The following AHRR variants were observed in gnomAD, a reference collection of about 807,000 sequenced individuals.
The protein encoded by AHRR is aryl hydrocarbon receptor repressor, also known as ahR repressor.
Under a neutral mutation model 44.0 loss-of-function variants are expected in AHRR, and 28 were observed. The ratio of observed to expected loss-of-function variants is 0.64; its 90% CI spans 0.47 to 0.87. The LOEUF (loss-of-function observed/expected upper bound fraction) is 0.87. Ranked by LOEUF, AHRR falls within the 40% of genes least tolerant of loss-of-function variation. The pLI is 0.00. For synonymous variants in AHRR, 434 were observed against 407.0 expected (o/e 1.07, Z -0.80); for missense variants, 990 against 953.9 (o/e 1.04, Z -0.50).
At chr5:335,480 G>A (rs549885533) in intron 1 of AHRR, among the ~76,000 whole-genome samples, 377 of 152,244 alleles carry the variant, frequency 2.5e-3, no homozygotes, top group Non-Finnish European at 4.2e-3. Context: ...CCTCCAGGTC[G>A]CTGGATCCCA....
chr5:422,651 T>C, intron 5 of AHRR, 78 bp from the exon 6 acceptor site: 1 of 1,600,758 alleles, frequency 6.2e-7, no homozygotes, highest in Admixed American at 1.7e-5. Flanking sequence ...GTGGAAATTT[T>C]TCGGTTACTC....
intron 5 of AHRR, 69 bp downstream of exon 5, chr5:413,502 T>C (rs931655525): frequency 8.0e-7 from 1 of 1,242,812 alleles, no homozygotes; most frequent in Non-Finnish European, 1.2e-6. Flanking sequence ...AAATGTTTGT[T>C]GTCGTCAAGG....
At chr5:369,074 C>A (rs1378916308) in intron 3 of AHRR, among the ~76,000 whole-genome samples, 1 of 152,172 alleles carries the variant, frequency 6.6e-6, no homozygotes, top group African/African-American at 2.4e-5. Flanking sequence ...CATTTTTAAA[C>A]CCCTCTGCCC....
chr5:392,748 T>C (rs11134017), intron 4 of AHRR, among the ~76,000 whole-genome samples: 46,272 of 152,058 alleles, frequency 0.3, 9,843 homozygotes, highest in African/African-American at 0.6. Context: ...TCTTCAGACC[T>C]GGCTCATTTC....
At chr5:331,454 A>G (rs556219856) in intron 1 of AHRR, among the ~76,000 whole-genome samples, 2 of 152,052 alleles carry the variant, frequency 1.3e-5, no homozygotes, top group South Asian at 2.1e-4. Context: ...AGCAGTCTCT[A>G]TTTCGTTTAG....
Position 435,073 on chromosome 5 carries a change from C to G in AHRR, c.*239C>G, listed in dbSNP as rs999098612. The G allele has an allele frequency of 3.6e-5, 20 of 551,906 alleles. No homozygotes were observed. The African/African-American group carries it at 3.8e-4, about 10-fold the overall frequency. The allele number at this position is 551,906 out of a possible 1,614,324, so 34.2% of individuals were successfully genotyped here. ...CCTTAAGTCTATTCAAGCATGACAG[C>G]ATTTCTCTTTGAGGAATTAAAATCT... is the stretch of plus-strand genomic sequence containing the variant. On this transcript the variant is annotated 3_prime_UTR_variant, in exon 11 of 11. Transcript: ENST00000684583.
chr5:410,402 G>T (rs982036834), intron 4 of AHRR, among the ~76,000 whole-genome samples: 2 of 151,926 alleles, frequency 1.3e-5, no homozygotes, highest in Admixed American at 6.6e-5. Context: ...TGTAGAGACG[G>T]GGTCTCACTA....
At chr5:396,910 A>G (rs953593799) in intron 4 of AHRR, among the ~76,000 whole-genome samples, 4 of 151,436 alleles carry the variant, frequency 2.6e-5, no homozygotes, top group Non-Finnish European at 4.4e-5. Flanking sequence ...AGGCTGCTGC[A>G]GGTGTCTGGG....
At chr5:410,179 T>G (rs552801885) in intron 4 of AHRR, among the ~76,000 whole-genome samples, 6 of 152,318 alleles carry the variant, frequency 3.9e-5, no homozygotes, top group African/African-American at 1.4e-4. Context: ...AGGCTAGGTC[T>G]TTTGCAATTC....
intron 3 of AHRR, among the ~76,000 whole-genome samples, chr5:363,991 A>G (rs1743269996): frequency 6.6e-6 from 1 of 152,256 alleles, no homozygotes; most frequent in Non-Finnish European, 1.5e-5. Context: ...GTAAAAAAAG[A>G]GCTGCTATGG....
chr5:371,083 G>A (rs1173047362), intron 3 of AHRR, among the ~76,000 whole-genome samples: 1 of 152,162 alleles, frequency 6.6e-6, no homozygotes, highest in African/African-American at 2.4e-5. Context: ...AGGGGCGCTG[G>A]GGTAAATTCC....
intron 3 of AHRR, among the ~76,000 whole-genome samples, chr5:363,456 G>C (rs1010793257): frequency 2.6e-5 from 4 of 152,154 alleles, no homozygotes; most frequent in African/African-American, 9.7e-5. Context: ...TCTTGCCAAG[G>C]TCTGCCCTCA....
rs190677714 is a variant in AHRR at position 422,574 on chromosome 5, C to T, written c.442-155C>T. The T allele has an allele frequency of 1.9e-4, 186 of 999,690 alleles. No individual in the cohort carries two copies. In the African/African-American group the frequency reaches 2.5e-3, roughly 14 times the overall value. The allele number at this position is 999,690 out of a possible 1,614,324, so 61.9% of individuals were successfully genotyped here. ...ATCTTCTCAGGAGGGAGTGGGGAAC[C>T]GGGGCCAAGCGCCGTCTCTTCGGTG... is the stretch of plus-strand genomic sequence containing the variant. On this transcript the variant is annotated intron_variant, in intron 5 of 10. Coordinates refer to ENST00000684583, the MANE Select transcript of AHRR (RefSeq NM_001377236.1).
intron 4 of AHRR, among the ~76,000 whole-genome samples, chr5:392,607 G>T (rs567266719): frequency 2.6e-5 from 4 of 152,178 alleles, no homozygotes; most frequent in Non-Finnish European, 5.9e-5. Context: ...TAGCAAGACA[G>T]AGGAAAATGC....
intron 4 of AHRR, among the ~76,000 whole-genome samples, chr5:389,204 T>C (rs879515675): frequency 4.1e-5 from 1 of 24,232 alleles, no homozygotes; most frequent in Non-Finnish European, 8.3e-5. Flanking sequence ...AAGGCGGGGG[T>C]GAGGGAGGGG....
chr5:348,724 G>C (rs1035283246), intron 2 of AHRR, among the ~76,000 whole-genome samples: 2 of 152,234 alleles, frequency 1.3e-5, no homozygotes, highest in African/African-American at 4.8e-5. Flanking sequence ...TGTATGGATA[G>C]ACCAAGTCTG....
At chr5:322,486 G>A (rs1741530580) in intron 1 of AHRR, 3 of 152,072 alleles carry the variant, frequency 2.0e-5, no homozygotes, top group Admixed American at 1.3e-4. Context: ...GGATGGCAAG[G>A]GCAGGCGGGG....
rs57937804 is a variant in AHRR, at chr5:332,929, CT to C, written c.-10-10945del. On this transcript the variant is annotated intron_variant, in intron 1 of 10. Coordinates refer to ENST00000684583, the MANE Select transcript of AHRR (RefSeq NM_001377236.1). The stretch of plus-strand genomic sequence containing the variant: ...TCATTATATAATAAATGACCTTTGT[CT>C]TTTTTTTTTTTTTTTTTTACTGTTT... Among the ~76,000 whole-genome samples the C allele has an allele frequency of 2.7e-3, 356 of 132,046 alleles. 1 individual carries two copies. Among genetic ancestry groups the C allele is most frequent in the African/African-American group, 6.6e-3 (219 of 33,076 alleles). 86.6% of individuals were successfully genotyped at this position (132,046 alleles called of 152,430 possible).
chr5:403,782 A>C, intron 4 of AHRR: 1 of 1,532,276 alleles, frequency 6.5e-7, no homozygotes, highest in South Asian at 1.1e-5. Flanking sequence ...CTTTGTTCAA[A>C]GGGTCTCTTT....
Sources: allele counts gnomAD v4.1 joint callset (sites outside exome capture counted in the v4.1 genomes callset), GRCh38; gene constraint gnomAD v4.1.1; transcripts MANE v1.5; gene names NCBI Gene and HGNC (gene_info 2026-07-23, HGNC 2026-07-21).